The following MDGA2 variants were observed in gnomAD, a reference collection of about 807,000 sequenced individuals.
MDGA2 encodes the protein MAM domain containing glycosylphosphatidylinositol anchor 2.
Under a neutral mutation model 117.8 loss-of-function variants are expected in MDGA2, and 40 were observed. The observed-to-expected ratio is 0.34, with a 90% CI of 0.26 to 0.44. The LOEUF (loss-of-function observed/expected upper bound fraction) is 0.44, where lower values mean the gene tolerates loss of function less well. MDGA2 is among the 20% of genes least tolerant of loss of function. The pLI is 1.00. For synonymous variants in MDGA2, 452 were observed against 439.0 expected, an observed-to-expected ratio of 1.03 and a Z score of -0.37; for missense variants, 1,123 against 1,250.6, an observed-to-expected ratio of 0.90 and a Z score of 1.54.
intron 1 of MDGA2, among the ~76,000 whole-genome samples, chr14:47,477,004 C>G (rs1178559625): frequency 1.3e-5 from 2 of 152,058 alleles, no homozygotes; most frequent in African/African-American, 4.8e-5. Context: ...TCTACTAAAA[C>G]TGCAAAAATT....
In MDGA2 at chr14:46,855,340, A is replaced by G. The variant is rs1307351930; in HGVS notation, c.2753-186T>C. 6.6e-6 allele frequency among the ~76,000 whole-genome samples: 1 copy of G among 152,112 alleles called. No homozygotes were observed. The highest frequency in any genetic ancestry group is 1.5e-5 in the Non-Finnish European group (1 of 68,008). ...TTTGACATTTGATCCAAAAGTAACC[A>G]TCTCCTAATTCCCTAGAACATGTGC... On this transcript the variant is annotated intron_variant, in intron 14 of 16. Transcript: ENST00000399232. This position sits in a 1 kb window ranked among gnomAD's most constrained non-coding sequence, Gnocchi z 4.1.
chr14:47,088,316 A>C (rs1890984903), intron 6 of MDGA2, among the ~76,000 whole-genome samples: 1 of 152,070 alleles, frequency 6.6e-6, no homozygotes, highest in African/African-American at 2.4e-5. Flanking sequence ...TGTTTTGGGG[A>C]GGTGTAATTA....
chr14:47,642,479 T>C (rs936889938), intron 1 of MDGA2, among the ~76,000 whole-genome samples: 2 of 152,052 alleles, frequency 1.3e-5, no homozygotes, highest in Admixed American at 6.5e-5. Flanking sequence ...AGAGCTTTAG[T>C]TCCCACAGAT....
At chr14:47,498,371 A>C (rs2138667842) in intron 1 of MDGA2, among the ~76,000 whole-genome samples, 1 of 152,278 alleles carries the variant, frequency 6.6e-6, no homozygotes, top group South Asian at 2.1e-4. Context: ...ATATTCCTAC[A>C]ACAAAATGCT....
intron 8 of MDGA2, among the ~76,000 whole-genome samples, chr14:47,008,732 C>T (rs1202660589): frequency 6.6e-6 from 1 of 151,756 alleles, no homozygotes; most frequent in Non-Finnish European, 1.5e-5. Flanking sequence ...AAATAATGTG[C>T]TTGGAGGGGT....
intron 2 of MDGA2, among the ~76,000 whole-genome samples, chr14:47,224,984 T>G (rs565448983): frequency 6.6e-6 from 1 of 152,338 alleles, no homozygotes; most frequent in Non-Finnish European, 1.5e-5. Context: ...TGTATCAGTC[T>G]ACAATAATTA....
chr14:47,434,008 C>T (rs577689565), intron 1 of MDGA2, among the ~76,000 whole-genome samples: 1 of 151,836 alleles, frequency 6.6e-6, no homozygotes, highest in Admixed American at 6.6e-5. Context: ...TAAACCATTG[C>T]TAAATAATAA....
At chr14:47,449,203 T>C (rs1208924713) in intron 1 of MDGA2, among the ~76,000 whole-genome samples, 2 of 152,136 alleles carry the variant, frequency 1.3e-5, no homozygotes, top group African/African-American at 4.8e-5. Context: ...TGTTCTTTAC[T>C]TTTGGAAACT....
At chr14:47,514,561 T>C (rs997431658) in intron 1 of MDGA2, among the ~76,000 whole-genome samples, 2 of 152,132 alleles carry the variant, frequency 1.3e-5, no homozygotes, top group Non-Finnish European at 2.9e-5. Context: ...ACTAGAATGA[T>C]ACCCAGTAAT....
intron 10 of MDGA2, among the ~76,000 whole-genome samples, chr14:46,913,961 A>G (rs1883804674): frequency 6.6e-6 from 1 of 152,200 alleles, no homozygotes; most frequent in Non-Finnish European, 1.5e-5. Context: ...GACTTAAAAA[A>G]GGAATTGGTC....
intron 3 of MDGA2, among the ~76,000 whole-genome samples, chr14:47,173,416 A>T (rs1414472719): frequency 6.6e-6 from 1 of 152,358 alleles, no homozygotes; most frequent in South Asian, 2.1e-4. Flanking sequence ...TGGGTTACCC[A>T]CAAAGGGAAG....
intron 1 of MDGA2, among the ~76,000 whole-genome samples, chr14:47,440,242 C>A (rs1291882954): frequency 6.6e-6 from 1 of 152,140 alleles, no homozygotes; most frequent in Non-Finnish European, 1.5e-5. Context: ...AAAAAGTACA[C>A]ATTTGGGGCA....
At chr14:46,913,629 A>G in intron 10 of MDGA2, among the ~76,000 whole-genome samples, 1 of 152,172 alleles carries the variant, frequency 6.6e-6, no homozygotes, top group East Asian at 1.9e-4. Flanking sequence ...TTTGCTTATT[A>G]CTTTTTATTA....
At chr14:47,555,503 C>T (rs1382878318) in intron 1 of MDGA2, among the ~76,000 whole-genome samples, 3 of 152,050 alleles carry the variant, frequency 2.0e-5, no homozygotes, top group Admixed American at 6.6e-5. Context: ...CATTAAGTTG[C>T]CATGTATGTT....
At chr14:47,078,828 T>A (rs1243890481) in intron 6 of MDGA2, among the ~76,000 whole-genome samples, 1 of 152,066 alleles carries the variant, frequency 6.6e-6, no homozygotes, top group African/African-American at 2.4e-5. Context: ...CAGGACATAG[T>A]TCTCTAGGAA....
chr14:47,231,012 AT>A (rs1433934692), intron 2 of MDGA2, among the ~76,000 whole-genome samples: 1 of 151,974 alleles, frequency 6.6e-6, no homozygotes, highest in African/African-American at 2.4e-5. Flanking sequence ...ATGTAAACTA[AT>A]TTTGTGCTCG....
chr14:47,162,431 A>T (rs1883681623), intron 3 of MDGA2, among the ~76,000 whole-genome samples: 1 of 152,152 alleles, frequency 6.6e-6, no homozygotes, highest in Non-Finnish European at 1.5e-5. Context: ...TTCTTTAATA[A>T]CCTATAGATA....
intron 1 of MDGA2, among the ~76,000 whole-genome samples, chr14:47,642,367 T>C (rs1216012169): frequency 2.6e-5 from 4 of 152,244 alleles, no homozygotes; most frequent in South Asian, 2.1e-4. Flanking sequence ...CAAATATGTA[T>C]ACATTTTAAG....
At chr14:47,573,380 A>G (rs1369154024) in intron 1 of MDGA2, among the ~76,000 whole-genome samples, 1 of 152,120 alleles carries the variant, frequency 6.6e-6, no homozygotes, top group African/African-American at 2.4e-5. Context: ...CAGCCACATT[A>G]TAATCTTTTG....
Sources: gnomAD v4.1 joint callset for allele counts (sites outside exome capture counted in the v4.1 genomes callset) on GRCh38, gnomAD v4.1.1 for gene constraint, Gnocchi (gnomAD v3.1) non-coding constraint, MANE v1.5 for transcripts, NCBI Gene and HGNC (gene_info 2026-07-23, HGNC 2026-07-21) for gene names.